CEP112: variants seen among roughly 807,000 people sequenced by gnomAD.
CEP112 encodes centrosomal protein of 112 kDa.
CEP112 carries 127 observed loss-of-function variants against 153.0 expected under a neutral mutation model. The observed-to-expected ratio is 0.83, with a 90% confidence interval of 0.72 to 0.96. The LOEUF (loss-of-function observed/expected upper bound fraction) is 0.96. CEP112 is among the 40% of genes least tolerant of loss of function. The pLI, the probability that CEP112 is intolerant of heterozygous loss-of-function variation, is 0.00. For synonymous variants in CEP112, 358 were observed against 374.4 expected (o/e 0.96, Z 0.51); for missense variants, 1,089 against 1,101.2 (o/e 0.99, Z 0.16).
intron 18 of CEP112, among the ~76,000 whole-genome samples, chr17:65,937,468 C>T (rs1365654121): frequency 1.0e-4 from 11 of 109,526 alleles, no homozygotes; most frequent in African/African-American, 1.8e-4. Flanking sequence ...GCCCGGCCGC[C>T]CCGTCTGAGA....
intron 21 of CEP112, among the ~76,000 whole-genome samples, chr17:65,809,256 G>A (rs183847849): frequency 6.6e-6 from 1 of 152,194 alleles, no homozygotes; most frequent in African/African-American, 2.4e-5. Context: ...TGTAACTGAG[G>A]GGGAGAGGAG....
At chr17:65,785,821 A>C (rs150437556) in intron 21 of CEP112, among the ~76,000 whole-genome samples, 2 of 152,140 alleles carry the variant, frequency 1.3e-5, no homozygotes, top group African/African-American at 4.8e-5. Context: ...TCTGTGATTC[A>C]CTTTGAGGTC....
chr17:65,807,410 T>G (rs72831439), intron 21 of CEP112, among the ~76,000 whole-genome samples: 1,890 of 152,300 alleles, frequency 0.012, 15 homozygotes, highest in Non-Finnish European at 0.019. Context: ...AACCCATTTT[T>G]GGGGGAGAGA....
At chr17:65,770,341 T>TAAAAATCTTTTTTAA (rs2053267830) in intron 21 of CEP112, among the ~76,000 whole-genome samples, 1 of 151,852 alleles carries the variant, frequency 6.6e-6, no homozygotes, top group Non-Finnish European at 1.5e-5. Flanking sequence ...ATCTTTAAAG[T>TAAAAATCTTTTTTAA]GCTGAAATTA....
intron 12 of CEP112, among the ~76,000 whole-genome samples, chr17:66,041,947 G>A (rs28410936): frequency 0.52 from 78,569 of 152,152 alleles, 21,180 homozygotes; most frequent in African/African-American, 0.59. Flanking sequence ...CTTTCAAGTA[G>A]TACAGTATGG....
chr17:66,062,580 T>C (rs1190889773), intron 11 of CEP112, among the ~76,000 whole-genome samples: 1 of 152,108 alleles, frequency 6.6e-6, no homozygotes, highest in East Asian at 1.9e-4. Context: ...TTCTAGTCCA[T>C]ATTATATTTT....
chr17:65,821,614 C>T (rs1391076234), intron 21 of CEP112, among the ~76,000 whole-genome samples: 4 of 127,722 alleles, frequency 3.1e-5, no homozygotes, highest in East Asian at 2.7e-4. Context: ...CACAGTGGTG[C>T]GATCTCGGCT....
At chr17:66,187,461 C>T (rs992456220) in intron 1 of CEP112, among the ~76,000 whole-genome samples, 1 of 152,182 alleles carries the variant, frequency 6.6e-6, no homozygotes, top group Admixed American at 6.5e-5. Context: ...CTTCAGTTTG[C>T]ATCCTATTTG....
At chr17:66,028,188 A>G in intron 15 of CEP112, 125 bp downstream of exon 15, 1 of 598,512 alleles carries the variant, frequency 1.7e-6, no homozygotes. Context: ...ACAATGCGAT[A>G]AAAGAATCAG....
intron 17 of CEP112, among the ~76,000 whole-genome samples, chr17:65,981,042 C>T (rs1212091366): frequency 6.6e-6 from 1 of 152,136 alleles, no homozygotes; most frequent in African/African-American, 2.4e-5. Context: ...TCTTGAACTC[C>T]TGACCTCAGG....
intron 6 of CEP112, among the ~76,000 whole-genome samples, chr17:66,121,276 CA>C (rs34302471): frequency 0.012 from 1,705 of 138,016 alleles, 29 homozygotes; most frequent in African/African-American, 0.042. Flanking sequence ...CACTTCGTCT[CA>C]AAAAAAAAAA....
At chr17:65,926,429 CA>C (rs1326499979) in intron 19 of CEP112, among the ~76,000 whole-genome samples, 7 of 152,124 alleles carry the variant, frequency 4.6e-5, no homozygotes, top group African/African-American at 1.4e-4. Flanking sequence ...AGTCACTCTT[CA>C]GGCCGGGTGT....
chr17:65,638,949 T>G (rs556905555), intron 25 of CEP112, among the ~76,000 whole-genome samples: 2 of 152,240 alleles, frequency 1.3e-5, no homozygotes, highest in East Asian at 3.9e-4. Context: ...AGGTCCTACA[T>G]AGCTGACACT....
chr17:65,895,302 G>A (rs1434663359), intron 20 of CEP112, among the ~76,000 whole-genome samples: 1 of 151,884 alleles, frequency 6.6e-6, no homozygotes, highest in Non-Finnish European at 1.5e-5. Context: ...ACCCAGCAGA[G>A]AGCTTGGCAC....
At chr17:65,794,646 C>A (rs572738278) in intron 21 of CEP112, among the ~76,000 whole-genome samples, 10 of 152,314 alleles carry the variant, frequency 6.6e-5, no homozygotes, top group African/African-American at 2.2e-4. Context: ...CATGTGAACT[C>A]CATCATTTTC....
At chr17:65,984,148 C>T (rs2063321577) in intron 17 of CEP112, among the ~76,000 whole-genome samples, 2 of 148,876 alleles carry the variant, frequency 1.3e-5, no homozygotes, top group African/African-American at 2.5e-5. Flanking sequence ...TTTAAAAATA[C>T]AATTTTACAT....
At chr17:66,070,050 CA>C (rs1473730636) in intron 8 of CEP112, 49 bp from the exon 9 acceptor site, 4 of 1,006,654 alleles carry the variant, frequency 4.0e-6, no homozygotes, top group Admixed American at 2.0e-5. Flanking sequence ...TTCCCTTTGG[CA>C]AAAAATACAC....
At chr17:66,169,282 CTT>C (rs538896272) in intron 4 of CEP112, among the ~76,000 whole-genome samples, 19 of 120,928 alleles carry the variant, frequency 1.6e-4, no homozygotes, top group Admixed American at 2.7e-4. Flanking sequence ...TTAATTTCTT[CTT>C]TTTTTTTTTT....
Position 66,084,687 on chromosome 17 carries a change from G to C in CEP112, c.768+11564C>G, listed in dbSNP as rs75136201. 9.4e-3 allele frequency among the ~76,000 whole-genome samples: 1,435 copies of C among 152,204 alleles called. 20 individuals carry two copies. Among genetic ancestry groups the C allele is most frequent in the African/African-American group, 0.032 (1,312 of 41,546 alleles). Reference sequence around the variant, plus strand: ...TGGAAAGGGTAGTGGGAAGGCAGGGGGGGAGTTGGGATGGTTAATGGGTAT... The same window carrying C: ...TGGAAAGGGTAGTGGGAAGGCAGGGCGGGAGTTGGGATGGTTAATGGGTAT... On this transcript the variant is annotated intron_variant, in intron 8 of 26. Coordinates refer to ENST00000535342, the MANE Select transcript of CEP112 (RefSeq NM_001199165.4).
Sources: allele counts gnomAD v4.1 joint callset (sites outside exome capture counted in the v4.1 genomes callset), GRCh38; gene constraint gnomAD v4.1.1; transcripts MANE v1.5; gene names NCBI Gene and HGNC (gene_info 2026-07-23, HGNC 2026-07-21).